The following CPSF3 variants were observed in gnomAD, a reference collection of about 807,000 sequenced individuals.
CPSF3 encodes the protein cleavage and polyadenylation specific factor 3.
CPSF3 carries 57 observed loss-of-function variants against 84.1 expected under a neutral mutation model. That is an observed-to-expected ratio of 0.68 (90% CI 0.55 to 0.85). CPSF3 has a LOEUF of 0.85. Among genes scored for constraint, CPSF3 ranks in the 40% least tolerant of loss-of-function variants. The probability of loss-of-function intolerance (pLI) is 0.00; values close to 1 mark genes in which losing one functional copy is unlikely to be tolerated. For missense variants in CPSF3, 522 were observed against 838.8 expected, an observed-to-expected ratio of 0.62 and a Z score of 4.66; for synonymous variants, 275 against 278.1, an observed-to-expected ratio of 0.99 and a Z score of 0.11.
intron 1 of CPSF3, 43 bp from the exon 2 acceptor site, chr2:9,428,722 G>A: frequency 1.4e-6 from 2 of 1,424,838 alleles, no homozygotes; most frequent in Non-Finnish European, 2.0e-6. Context: ...ACTTGGTTTT[G>A]ATTTTTTTTA....
At chr2:9,451,695 C>G (rs1035626682) in intron 11 of CPSF3, among the ~76,000 whole-genome samples, 7 of 147,304 alleles carry the variant, frequency 4.8e-5, no homozygotes, top group Non-Finnish European at 1.0e-4. Context: ...AAGACTGTCT[C>G]AGAAAAATAA....
At chr2:9,430,057 G>T in intron 3 of CPSF3, 37 bp downstream of exon 3, 2 of 1,180,036 alleles carry the variant, frequency 1.7e-6, no homozygotes, top group Non-Finnish European at 2.4e-6. Context: ...CTTTTTCACG[G>T]ACTTTTACTA....
chr2:9,457,167 G>GTA, intron 14 of CPSF3, 140 bp downstream of exon 14: 1 of 464,114 alleles, frequency 2.2e-6, no homozygotes, highest in East Asian at 3.3e-5. Flanking sequence ...GTGTGTGTGT[G>GTA]TGTGTGTGTG....
At chr2:9,466,161 T>TA (rs747147275) in intron 15 of CPSF3, among the ~76,000 whole-genome samples, 4 of 151,518 alleles carry the variant, frequency 2.6e-5, no homozygotes, top group Admixed American at 6.6e-5. Flanking sequence ...GGCAACATGC[T>TA]AAAACCCTGT....
rs748578851 is a variant in CPSF3 at position 9,440,581 on chromosome 2, CAT to C, written c.854_855del (p.Tyr285CysfsTer6). 1.2e-6 allele frequency: 2 copies of C among 1,614,116 alleles called. No individual in the cohort carries two copies. The highest frequency in any genetic ancestry group is 2.2e-5 in the South Asian group (2 of 91,080). ...AAGAAGTGTATGGCAGTGTACCAGA[CAT>C]ATGTAAATGCCATGAATGACAAAAT... On this transcript the variant is annotated frameshift_variant, in exon 8 of 18. Transcript: ENST00000238112. LOFTEE classifies it high-confidence loss of function.
chr2:9,467,918 G>A (rs1682031731), intron 16 of CPSF3, 142 bp downstream of exon 16: 2 of 640,152 alleles, frequency 3.1e-6, no homozygotes, highest in Non-Finnish European at 5.4e-6. Flanking sequence ...TCTCTGTTAG[G>A]AAAGAGAGGG....
chr2:9,461,390 C>CGGTG (rs1681719917), intron 15 of CPSF3, among the ~76,000 whole-genome samples: 2 of 152,172 alleles, frequency 1.3e-5, no homozygotes, highest in East Asian at 3.9e-4. Flanking sequence ...CAGTTGGGCA[C>CGGTG]GGTGGCTCAC....
In CPSF3 at chr2:9,457,040, CA is replaced by C; in HGVS notation, c.1698+14del. 1 of 1,461,760 alleles carries C rather than the reference CA, an allele frequency of 6.8e-7. No individual in the cohort carries two copies. Among genetic ancestry groups the C allele is most frequent in the Non-Finnish European group, 9.4e-7 (1 of 1,061,238 alleles). The allele number at this position is 1,461,760 out of a possible 1,614,324, so 90.5% of individuals were successfully genotyped here. ...GGTGGTATTAGAAGTAAGAAAAGAT[CA>C]TTTACCTAAACAATGAGGGGAAAAA... On this transcript the variant is annotated intron_variant, in intron 14 of 17. Coordinates refer to ENST00000238112, the MANE Select transcript of CPSF3 (RefSeq NM_016207.4).
intron 5 of CPSF3, 40 bp downstream of exon 5, chr2:9,432,728 A>G (rs1680632614): frequency 7.0e-7 from 1 of 1,430,286 alleles, no homozygotes; most frequent in South Asian, 1.7e-5. Flanking sequence ...CAGAGAAATC[A>G]GTACAGAGCT....
At chr2:9,470,392 C>T (rs573558504) in intron 16 of CPSF3, among the ~76,000 whole-genome samples, 2 of 152,330 alleles carry the variant, frequency 1.3e-5, no homozygotes, top group Admixed American at 1.3e-4. Context: ...CCTAGGCTGA[C>T]CATGGTCCAT....
rs765197707 is a variant in CPSF3, at chr2:9,448,560, T to G, written c.1395+210T>G. 8.2e-4 allele frequency among the ~76,000 whole-genome samples: 124 copies of G among 151,998 alleles called. 1 individual carries two copies. The highest frequency in any genetic ancestry group is 7.1e-3 in the South Asian group (34 of 4,812). ...AAAATGTTCAGCTAGATTAGATTTT[T>G]TGTGTGTGTGTGTGTGAGACGGAGT... On this transcript the variant is annotated intron_variant, in intron 11 of 17. Coordinates refer to ENST00000238112, the MANE Select transcript of CPSF3 (RefSeq NM_016207.4).
intron 6 of CPSF3, 147 bp downstream of exon 6, chr2:9,434,107 A>G: frequency 1.8e-6 from 1 of 543,304 alleles, no homozygotes; most frequent in South Asian, 2.5e-5. Flanking sequence ...GTGGCCGGGC[A>G]CGGTGGCTCA....
At chr2:9,466,221 CG>C (rs1681913411) in intron 15 of CPSF3, among the ~76,000 whole-genome samples, 2 of 148,930 alleles carry the variant, frequency 1.3e-5, no homozygotes, top group African/African-American at 5.0e-5. Context: ...CACACACGCA[CG>C]CACACACACA....
intron 16 of CPSF3, among the ~76,000 whole-genome samples, chr2:9,468,661 C>G (rs889573350): frequency 3.8e-5 from 5 of 130,560 alleles, no homozygotes; most frequent in African/African-American, 1.5e-4. Flanking sequence ...GAGTCTCACT[C>G]TGTCGCCCAG....
chr2:9,467,314 C>T (rs891828757), intron 15 of CPSF3, among the ~76,000 whole-genome samples: 5 of 152,076 alleles, frequency 3.3e-5, no homozygotes, highest in Non-Finnish European at 7.4e-5. Context: ...TAAAAGACTT[C>T]ACAGATCTTT....
chr2:9,430,928 G>A (rs1269310979), intron 4 of CPSF3, 48 bp downstream of exon 4: 4 of 1,457,214 alleles, frequency 2.7e-6, no homozygotes, highest in Middle Eastern at 2.2e-4. Flanking sequence ...TATATGGCAT[G>A]TATGGTTCAA....
At chr2:9,429,563 TCTC>T (rs752190139) in intron 2 of CPSF3, among the ~76,000 whole-genome samples, 1 of 152,222 alleles carries the variant, frequency 6.6e-6, no homozygotes, top group Non-Finnish European at 1.5e-5. Context: ...ATTATTATCT[TCTC>T]ACGAGAGTCG....
intron 9 of CPSF3, 146 bp downstream of exon 9, chr2:9,442,122 A>G (rs1355139242): frequency 1.9e-5 from 15 of 775,406 alleles, no homozygotes; most frequent in Middle Eastern, 3.4e-4. Flanking sequence ...GTAGCTAGAG[A>G]TGTGCGTAGG....
intron 16 of CPSF3, among the ~76,000 whole-genome samples, 158 bp from the exon 17 acceptor site, chr2:9,471,185 G>T (rs1682148368): frequency 6.6e-6 from 1 of 151,656 alleles, no homozygotes; most frequent in Non-Finnish European, 1.5e-5. Context: ...CTGCGCTCCA[G>T]CCTGGGCCAC....
Sources: allele counts gnomAD v4.1 joint callset (sites outside exome capture counted in the v4.1 genomes callset), GRCh38; gene constraint gnomAD v4.1.1; transcripts MANE v1.5; gene names NCBI Gene and HGNC (gene_info 2026-07-23, HGNC 2026-07-21).